Variants in SAFB observed in about 807,000 individuals in gnomAD.
The protein encoded by SAFB is scaffold attachment factor B, also known as scaffold attachment factor B1.
In SAFB, 15 loss-of-function variants were observed where a neutral mutation model predicts 101.6. The ratio of observed to expected loss-of-function variants is 0.15; its 90% CI spans 0.10 to 0.23. The LOEUF is 0.23. Ranked by LOEUF, SAFB falls within the 10% of genes least tolerant of loss-of-function variation. The probability of loss-of-function intolerance (pLI) is 1.00; values close to 1 mark genes in which losing one functional copy is unlikely to be tolerated. For synonymous variants in SAFB, 449 were observed against 407.5 expected (o/e 1.10, Z -1.23); for missense variants, 930 against 1,104.1 (o/e 0.84, Z 2.23).
chr19:5,658,814 G>T (rs1292688295), intron 14 of SAFB, among the ~76,000 whole-genome samples: 1 of 141,180 alleles, frequency 7.1e-6, no homozygotes, highest in Non-Finnish European at 1.5e-5. Flanking sequence ...CTGCACTCCA[G>T]CCTGGGCGAC....
At chr19:5,635,761 C>T (rs552466121) in intron 2 of SAFB, among the ~76,000 whole-genome samples, 1 of 152,104 alleles carries the variant, frequency 6.6e-6, no homozygotes, top group African/African-American at 2.4e-5. Flanking sequence ...CAGGGAGCTA[C>T]GAGCAGGCGA....
At chr19:5,642,158 C>A in intron 4 of SAFB, 1 of 626,804 alleles carries the variant, frequency 1.6e-6, no homozygotes. Flanking sequence ...CCATTTGCGG[C>A]ATACAGTATG....
chr19:5,647,498 C>G (rs75040640), intron 5 of SAFB, among the ~76,000 whole-genome samples: 1 of 152,196 alleles, frequency 6.6e-6, no homozygotes, highest in Non-Finnish European at 1.5e-5. Context: ...CTGGTGGGAA[C>G]ACTGATTGGA....
chr19:5,629,659 A>G (rs1044061723), intron 2 of SAFB, among the ~76,000 whole-genome samples: 2 of 152,254 alleles, frequency 1.3e-5, no homozygotes, highest in Non-Finnish European at 2.9e-5. Context: ...AACCAGAGAT[A>G]AATACCTTTG....
intron 2 of SAFB, among the ~76,000 whole-genome samples, chr19:5,628,317 C>T (rs2053414098): frequency 6.6e-6 from 1 of 152,138 alleles, no homozygotes; most frequent in Non-Finnish European, 1.5e-5. Flanking sequence ...GTAGAGTTTT[C>T]CCTATCTGAA....
chr19:5,625,147 C>T (rs1226110324), intron 1 of SAFB, among the ~76,000 whole-genome samples: 1 of 152,202 alleles, frequency 6.6e-6, no homozygotes, highest in Non-Finnish European at 1.5e-5. Flanking sequence ...GTCTGCCACT[C>T]ACCCAAGCCA....
Position 5,667,562 on chromosome 19 carries a change from G to A in SAFB, c.2557+112G>A. The A allele has an allele frequency of 1.2e-6, 1 of 807,844 alleles. No individual in the cohort carries two copies. Among genetic ancestry groups the A allele is most frequent in the Non-Finnish European group, 2.0e-6 (1 of 503,252 alleles). The allele number at this position is 807,844 out of a possible 1,614,324, so 50.0% of individuals were successfully genotyped here. ...AGGAGGTGCTCTGCTCTCAGTGCTG[G>A]AATGAGGAATGAAGAGCACTCCAGA... is the stretch of plus-strand genomic sequence containing the variant. On this transcript the variant is annotated intron_variant, in intron 19 of 20. Transcript: ENST00000588852. This position sits in a 1 kb window ranked among gnomAD's most constrained non-coding sequence, Gnocchi z 4.0.
chr19:5,626,552 A>G (rs1568244639), intron 2 of SAFB, 63 bp downstream of exon 2: 1 of 957,494 alleles, frequency 1.0e-6, no homozygotes, highest in Admixed American at 1.9e-5. Flanking sequence ...ATACATTGCT[A>G]ATGTGCCTCG....
intron 5 of SAFB, 117 bp from the exon 6 acceptor site, chr19:5,647,899 T>G: frequency 1.1e-6 from 1 of 934,020 alleles, no homozygotes; most frequent in Non-Finnish European, 1.7e-6. Context: ...CTCTTGAGTT[T>G]GTGAGTTTCC....
Position 5,641,961 on chromosome 19 carries a change from A to T in SAFB, c.546+15A>T, listed in dbSNP as rs377234567. On this transcript the variant is annotated intron_variant, in intron 4 of 20. Transcript: ENST00000588852. ...AGGAACATGCTGTAGGTAACCGGCA[A>T]TGTCTCTAGAATGTGCCCTGAATGT... The T allele has an allele frequency of 2.5e-6, 4 of 1,602,608 alleles. No homozygotes were observed. Among genetic ancestry groups the T allele is most frequent in the Non-Finnish European group, 3.4e-6 (4 of 1,169,594 alleles).
At chr19:5,648,426 A>G (rs925123382) in intron 6 of SAFB, 2 of 283,920 alleles carry the variant, frequency 7.0e-6, no homozygotes, top group African/African-American at 4.5e-5. Context: ...TAATTGAGGC[A>G]GCTCAGGTAG....
chr19:5,668,012 T>G, intron 20 of SAFB, 126 bp downstream of exon 20: 3 of 1,400,040 alleles, frequency 2.1e-6, no homozygotes, highest in Non-Finnish European at 2.9e-6. Context: ...AGGCCAGGCA[T>G]GGGGTACTGT....
At chr19:5,647,521 G>A (rs2053850385) in intron 5 of SAFB, among the ~76,000 whole-genome samples, 1 of 152,124 alleles carries the variant, frequency 6.6e-6, no homozygotes, top group African/African-American at 2.4e-5. Context: ...AGGAGATGAA[G>A]GAGGGAGGGT....
chr19:5,623,746 G>A (rs765643432), intron 1 of SAFB, among the ~76,000 whole-genome samples: 125 of 152,098 alleles, frequency 8.2e-4, no homozygotes, highest in Non-Finnish European at 9.3e-4. Context: ...CAGGCGAGGG[G>A]AAGGGACTCG....
At position 5,667,048 on chromosome 19, in the gene SAFB, T is replaced by C. The variant is rs748285712; in HGVS notation, c.2337T>C (p.His779=). ...CCTTCTGGCTCTGTGATGTCCAGCA[T>C]TACCCAGAACGCCATGGAGGACCAG... The part of the protein sequence containing the change: ...RSMMGEREGQ[H]YPERHGGPER... The change falls in exon 18 of 21, where the codon CAT becomes CAC. Residue 779 remains histidine, a splice_region_variant and synonymous_variant. Coordinates refer to ENST00000588852, the MANE Select transcript of SAFB (RefSeq NM_001201338.2). The surrounding 1 kb of genome is among the most constrained non-coding windows in gnomAD (Gnocchi z 4.0). 6.3e-7 allele frequency: 1 copy of C among 1,595,578 alleles called. No individual in the cohort carries two copies. The highest frequency in any genetic ancestry group is 8.6e-7 in the Non-Finnish European group (1 of 1,163,702).
Position 5,649,055 on chromosome 19 carries a change from C to A in SAFB, c.704C>A (p.Ser235Tyr). 4.1e-6 allele frequency: 2 copies of A among 492,398 alleles called. No homozygotes were observed. The highest frequency in any genetic ancestry group is 6.9e-6 in the Non-Finnish European group (2 of 288,060). The allele number at this position is 492,398 out of a possible 1,614,324, so 30.5% of individuals were successfully genotyped here. ...TCTGAGCCAGTAAAAGAAGAAAGTT[C>A]CGAGCTGGAGCAGCCATTTGCACAG... is the stretch of plus-strand genomic sequence containing the variant. ...CKSEPVKEES[S>Y]ELEQPFAQDT... Residue 235 changes from serine (S) to tyrosine (Y), a missense_variant, in exon 7 of 21, where the codon TCC (serine) becomes TAC (tyrosine). Ser to Tyr is a moderately radical substitution (Grantham distance 144, BLOSUM62 -2). Coordinates refer to ENST00000588852, the MANE Select transcript of SAFB (RefSeq NM_001201338.2).
chr19:5,649,590 C>G (rs909888616), intron 7 of SAFB, 91 bp downstream of exon 7: 3 of 474,488 alleles, frequency 6.3e-6, no homozygotes, highest in Non-Finnish European at 1.1e-5. Context: ...TGCAATTGGC[C>G]AGCCAGACTG....
Position 5,661,706 on chromosome 19 carries a change from A to T in SAFB, c.2051A>T (p.Gln684Leu). The T allele has an allele frequency of 1.2e-6, 2 of 1,604,262 alleles. No individual in the cohort carries two copies. The highest frequency in any genetic ancestry group is 1.7e-6 in the Non-Finnish European group (2 of 1,177,006). The change falls in exon 15 of 21, where the codon CAG becomes CTG. Residue 684 changes from glutamine (Q) to leucine (L), a missense_variant. Gln to Leu is a moderately radical substitution (Grantham distance 113). This residue lies in a region of SAFB where 159 missense variants were observed against 234.1 expected (regional missense o/e 0.68). Coordinates refer to ENST00000588852, the MANE Select transcript of SAFB (RefSeq NM_001201338.2). Reference sequence around the variant, plus strand: ...GTGGAGCACGAGCGCAGGCGCGAGCAGGAGCGCATCCACCGTGAGCGCGAG... The same window carrying T: ...GTGGAGCACGAGCGCAGGCGCGAGCTGGAGCGCATCCACCGTGAGCGCGAG... Reference protein sequence around the residue: ...MHVEHERRREQERIHREREEL... With the variant: ...MHVEHERRRELERIHREREEL...
chr19:5,641,236 A>T (rs1369422366), intron 2 of SAFB, among the ~76,000 whole-genome samples: 1 of 152,212 alleles, frequency 6.6e-6, no homozygotes, highest in African/African-American at 2.4e-5. Context: ...GTGGGAAAAC[A>T]TGTTCCTTAA....
Sources: gnomAD v4.1 joint callset for allele counts (sites outside exome capture counted in the v4.1 genomes callset) on GRCh38, gnomAD v4.1.1 for gene constraint, gnomAD v4.1.1 regional missense constraint, Gnocchi (gnomAD v3.1) non-coding constraint, MANE v1.5 for transcripts, NCBI Gene and HGNC (gene_info 2026-07-23, HGNC 2026-07-21) for gene names.